Variants in ST13 observed in about 807,000 individuals in gnomAD.
ST13 encodes hsc70-interacting protein.
ST13 carries 23 observed loss-of-function variants against 56.7 expected under a neutral mutation model. The ratio of observed to expected loss-of-function variants is 0.41; its 90% confidence interval spans 0.29 to 0.57. The LOEUF (loss-of-function observed/expected upper bound fraction) is 0.57. Among genes scored for constraint, ST13 ranks in the 20% least tolerant of loss-of-function variants. ST13 has a pLI of 0.36. For synonymous variants in ST13, 132 were observed against 142.4 expected (o/e 0.93, Z 0.52); for missense variants, 369 against 459.9 (o/e 0.80, Z 1.81).
At chr22:40,855,372 C>T (rs1007294715) in intron 1 of ST13, among the ~76,000 whole-genome samples, 2 of 152,170 alleles carry the variant, frequency 1.3e-5, no homozygotes, top group African/African-American at 4.8e-5. Flanking sequence ...TCGCTTGTGC[C>T]CAGGAATTGG....
At chr22:40,851,967 T>G (rs1004317789) in intron 1 of ST13, among the ~76,000 whole-genome samples, 1 of 152,156 alleles carries the variant, frequency 6.6e-6, no homozygotes, top group Non-Finnish European at 1.5e-5. Flanking sequence ...ACGGTCTCGA[T>G]CTCCTGACCT....
chr22:40,856,104 A>C (rs1476590167), intron 1 of ST13, among the ~76,000 whole-genome samples: 3 of 152,166 alleles, frequency 2.0e-5, no homozygotes, highest in Admixed American at 6.5e-5. Flanking sequence ...AAAGAAAAAC[A>C]ACCCCACGCA....
chr22:40,830,892 T>A lies in ST13; in HGVS notation c.746A>T (p.Glu249Val). ...AGCCTTCTTAACTCGTTCTATTCTT[T>A]CTTTGATCTCTCGCTCTTCACGTTT... ...ERKREEREIK[E>V]RIERVKKARE... is the part of the protein sequence containing the mutation. Residue 249 changes from glutamate (E) to valine (V), a missense_variant, in exon 9 of 12, where the codon GAA (glutamate) becomes GTA (valine). By Grantham distance (121) the Glu-to-Val change is moderately radical. Coordinates refer to ENST00000216218, the MANE Select transcript of ST13 (RefSeq NM_003932.5). The A allele has an allele frequency of 5.0e-6, 8 of 1,607,196 alleles. No individual in the cohort carries two copies. Among genetic ancestry groups the A allele is most frequent in the Non-Finnish European group, 6.8e-6 (8 of 1,179,690 alleles).
intron 8 of ST13, among the ~76,000 whole-genome samples, chr22:40,831,831 ATAT>A (rs997258525): frequency 2.6e-5 from 4 of 152,148 alleles, no homozygotes; most frequent in Non-Finnish European, 5.9e-5. Flanking sequence ...TTGGGATTCA[ATAT>A]TATTATTTTT....
At chr22:40,849,429 G>A (rs1601473086) in intron 2 of ST13, among the ~76,000 whole-genome samples, 3 of 136,258 alleles carry the variant, frequency 2.2e-5, no homozygotes. Context: ...AATGAGCCAA[G>A]AGATCGCACC....
intron 6 of ST13, 25 bp from the exon 7 acceptor site, chr22:40,835,695 A>C (rs2057773922): frequency 6.2e-7 from 1 of 1,607,554 alleles, no homozygotes; most frequent in African/African-American, 1.3e-5. Flanking sequence ...TGTTATTAAA[A>C]AGTATTCATT....
At chr22:40,847,302 G>A (rs1377108258) in intron 3 of ST13, among the ~76,000 whole-genome samples, 2 of 151,912 alleles carry the variant, frequency 1.3e-5, no homozygotes, top group Middle Eastern at 3.4e-3. Flanking sequence ...TGGAGGCCAA[G>A]GCAGGTGGAT....
At chr22:40,853,383 A>G (rs2057871853) in intron 1 of ST13, among the ~76,000 whole-genome samples, 1 of 152,194 alleles carries the variant, frequency 6.6e-6, no homozygotes, top group African/African-American at 2.4e-5. Context: ...GGATTTACTC[A>G]TAAGCTAGAT....
chr22:40,856,113 C>A (rs1391871728), intron 1 of ST13, among the ~76,000 whole-genome samples: 1 of 152,142 alleles, frequency 6.6e-6, no homozygotes, highest in Non-Finnish European at 1.5e-5. Flanking sequence ...CAACCCCACG[C>A]AAAATCTAAG....
chr22:40,825,686 G>C lies in ST13; in HGVS notation c.*852C>G, dbSNP rs2057724369. ...TCTTTAGCTCAAGAAAAGTAAGGGA[G>C]ACAAATGTAGCAAGCAGAAAGCAAA... On this transcript the variant is annotated 3_prime_UTR_variant, in exon 12 of 12. Transcript: ENST00000216218. 6.6e-6 allele frequency: 1 copy of C among 152,050 alleles called. No individual in the cohort carries two copies. The highest frequency in any genetic ancestry group is 6.6e-5 in the Admixed American group (1 of 15,256). The allele number at this position is 152,050 out of a possible 1,614,324, so 9.4% of individuals were successfully genotyped here. A position where few individuals can be genotyped will look rare whatever the true frequency, so the allele number is the denominator to read the frequency against.
chr22:40,843,816 C>T (rs925109218), intron 4 of ST13, among the ~76,000 whole-genome samples: 1 of 150,864 alleles, frequency 6.6e-6, no homozygotes, highest in Non-Finnish European at 1.5e-5. Flanking sequence ...AACAGGAGTT[C>T]GCAAATGCCA....
chr22:40,827,682 T>C (rs2057735309), intron 10 of ST13, among the ~76,000 whole-genome samples: 1 of 151,790 alleles, frequency 6.6e-6, no homozygotes, highest in South Asian at 2.1e-4. Flanking sequence ...TTTATAAATA[T>C]GTTTTATATT....
intron 4 of ST13, among the ~76,000 whole-genome samples, chr22:40,841,773 T>A (rs933759499): frequency 2.1e-5 from 3 of 141,442 alleles, no homozygotes; most frequent in Non-Finnish European, 4.6e-5. Context: ...TTTTTTTTTT[T>A]ATAGAGACGG....
chr22:40,850,660 C>T lies in ST13; in HGVS notation c.168+163G>A, dbSNP rs145713336. ...GTTCTAAATCAGAATCCAGAGAATT[C>T]GGGTCTACAAAGTTATAAAGATAAA... is the stretch of plus-strand genomic sequence containing the variant. On this transcript the variant is annotated intron_variant, in intron 2 of 11. Coordinates refer to ENST00000216218, the MANE Select transcript of ST13 (RefSeq NM_003932.5). Among the ~76,000 whole-genome samples the T allele has an allele frequency of 4.9e-3, 739 of 152,254 alleles. 3 individuals are homozygous for T. The highest frequency in any genetic ancestry group is 0.017 in the African/African-American group (689 of 41,542).
chr22:40,847,565 A>G (rs1227122392), intron 3 of ST13, among the ~76,000 whole-genome samples: 1 of 151,278 alleles, frequency 6.6e-6, no homozygotes, highest in African/African-American at 2.4e-5. Flanking sequence ...AGAAAAAAAA[A>G]AAAAAAAAGA....
chr22:40,844,994 T>A, intron 3 of ST13, 85 bp from the exon 4 acceptor site: 1 of 837,110 alleles, frequency 1.2e-6, no homozygotes, highest in South Asian at 1.7e-5. Flanking sequence ...TGACATACTA[T>A]GACTACTACA....
intron 5 of ST13, among the ~76,000 whole-genome samples, chr22:40,836,241 G>A (rs1354118168): frequency 6.6e-6 from 1 of 152,182 alleles, no homozygotes; most frequent in Non-Finnish European, 1.5e-5. Context: ...ATGAGGTCAG[G>A]AGATCGAGAC....
In ST13 at chr22:40,835,597, A is replaced by C. The variant is rs748132305; in HGVS notation, c.541T>G (p.Ser181Ala). ...CDRAIEINPD[S>A]AQPYKWRGKA... ...CCCCGCCACTTGTAAGGCTGAGCTGAATCAGGATTTATTTCAATGGCTCTG... is the reference window on the plus strand; with the variant it reads ...CCCCGCCACTTGTAAGGCTGAGCTGCATCAGGATTTATTTCAATGGCTCTG... The change falls in exon 7 of 12, where the codon TCA (serine) becomes GCA (alanine). Residue 181 changes from serine (S) to alanine (A), a missense_variant. This residue lies in a region of ST13 where 64 missense variants were observed against 125.1 expected (regional missense o/e 0.51). Coordinates refer to ENST00000216218, the MANE Select transcript of ST13 (RefSeq NM_003932.5). 5.0e-6 allele frequency: 8 copies of C among 1,613,004 alleles called. No homozygotes were observed. The highest frequency in any genetic ancestry group is 6.8e-6 in the Non-Finnish European group (8 of 1,180,018).
chr22:40,832,387 T>C (rs1416919201), intron 8 of ST13, among the ~76,000 whole-genome samples, 182 bp downstream of exon 8: 1 of 152,178 alleles, frequency 6.6e-6, no homozygotes, highest in Non-Finnish European at 1.5e-5. Context: ...GCATGAGAAA[T>C]GAAAGCATGA....
Sources: gnomAD v4.1 joint callset for allele counts (sites outside exome capture counted in the v4.1 genomes callset) on GRCh38, gnomAD v4.1.1 for gene constraint, gnomAD v4.1.1 regional missense constraint, MANE v1.5 for transcripts, NCBI Gene and HGNC (gene_info 2026-07-23, HGNC 2026-07-21) for gene names.